The following ACMSD variants were observed in gnomAD, a reference collection of about 807,000 sequenced individuals.
The protein encoded by ACMSD is 2-amino-3-carboxymuconate-6-semialdehyde decarboxylase.
ACMSD carries 37 observed loss-of-function variants against 45.9 expected under a neutral mutation model. The observed-to-expected ratio is 0.81, with a 90% CI of 0.62 to 1.06. The LOEUF is 1.06. Ranked by LOEUF, ACMSD falls within the 50% of genes least tolerant of loss-of-function variation. The pLI is 0.00. For missense variants in ACMSD, 434 were observed against 420.9 expected (o/e 1.03, Z -0.27); for synonymous variants, 138 against 148.8 (o/e 0.93, Z 0.53).
At chr2:134,862,824 G>A (rs558475737) in intron 4 of ACMSD, 9 of 299,474 alleles carry the variant, frequency 3.0e-5, no homozygotes, top group Non-Finnish European at 4.4e-5. Context: ...GGTGACAGAG[G>A]AAAGTAAACA....
chr2:134,863,742 C>A, intron 5 of ACMSD, 111 bp downstream of exon 5: 1 of 1,074,178 alleles, frequency 9.3e-7, no homozygotes, highest in Non-Finnish European at 1.4e-6. Flanking sequence ...GAGGGGAGAG[C>A]GGTGTCCACG....
intron 8 of ACMSD, 73 bp from the exon 9 acceptor site, chr2:134,898,268 A>AGTAAACAATTGTTTACAG: frequency 1.2e-6 from 1 of 845,986 alleles, no homozygotes; most frequent in South Asian, 2.5e-5. Flanking sequence ...GTTTGTAATA[A>AGTAAACAATTGTTTACAG]GTAAACAATT....
intron 8 of ACMSD, among the ~76,000 whole-genome samples, chr2:134,882,224 A>G (rs1011004486): frequency 2.0e-5 from 3 of 152,198 alleles, no homozygotes; most frequent in Non-Finnish European, 4.4e-5. Context: ...GTTACAAGAT[A>G]TTTTCCTGTG....
chr2:134,847,410 A>G (rs1687105692), intron 2 of ACMSD, among the ~76,000 whole-genome samples: 1 of 141,260 alleles, frequency 7.1e-6, no homozygotes, highest in African/African-American at 3.0e-5. Flanking sequence ...ATAGATAGAT[A>G]GATAGATAGA....
In ACMSD at chr2:134,869,880, G is replaced by A. The variant is rs186663221; in HGVS notation, c.581-1085G>A. Among the ~76,000 whole-genome samples the A allele has an allele frequency of 2.6e-3, 397 of 152,296 alleles. 2 individuals are homozygous for A. Among genetic ancestry groups the A allele is most frequent in the African/African-American group, 7.6e-3 (316 of 41,550 alleles). On this transcript the variant is annotated intron_variant, in intron 6 of 9. Coordinates refer to ENST00000356140, the MANE Select transcript of ACMSD (RefSeq NM_138326.3). ...ATGGAGAATGGATTGTGGGGTTATG[G>A]TTCAAGTAATTATGGGAAAGTAGAG...
chr2:134,888,535 G>A (rs1689590436), intron 8 of ACMSD, among the ~76,000 whole-genome samples: 1 of 152,080 alleles, frequency 6.6e-6, no homozygotes, highest in African/African-American at 2.4e-5. Context: ...GTTCTTGGCA[G>A]CTTTATTCCA....
At chr2:134,875,184 A>G (rs12328671) in intron 8 of ACMSD, among the ~76,000 whole-genome samples, 8,796 of 152,150 alleles carry the variant, frequency 0.058, 393 homozygotes, top group African/African-American at 0.13. Flanking sequence ...TATTTTTTGT[A>G]GAGACAGGGT....
chr2:134,861,630 G>A (rs1687853174), intron 3 of ACMSD, among the ~76,000 whole-genome samples: 1 of 152,170 alleles, frequency 6.6e-6, no homozygotes, highest in South Asian at 2.1e-4. Flanking sequence ...CAGGGAAGGT[G>A]GCTGAGAGAC....
Position 134,872,450 on chromosome 2 carries a change from T to C in ACMSD, c.677-19T>C. 3 of 1,614,080 alleles carry C rather than the reference T, an allele frequency of 1.9e-6. No homozygotes were observed. Among genetic ancestry groups the C allele is most frequent in the Non-Finnish European group, 2.5e-6 (3 of 1,179,978 alleles). ...TTTACAATCAACACTAGCCCCTCAG[T>C]AATGGGTTTTACTTGCAGGTGGTGC... On this transcript the variant is annotated intron_variant, in intron 7 of 9. Coordinates refer to ENST00000356140, the MANE Select transcript of ACMSD (RefSeq NM_138326.3).
chr2:134,900,619 A>G (rs1352753532), intron 9 of ACMSD, among the ~76,000 whole-genome samples: 1 of 152,208 alleles, frequency 6.6e-6, no homozygotes, highest in African/African-American at 2.4e-5. Flanking sequence ...TGCATCTTCT[A>G]TCTGTGTAAC....
chr2:134,844,022 C>G (rs936750727), intron 1 of ACMSD, among the ~76,000 whole-genome samples: 2 of 152,210 alleles, frequency 1.3e-5, no homozygotes, highest in Non-Finnish European at 2.9e-5. Context: ...TGGGCTGGAA[C>G]TAACCTTCAC....
intron 8 of ACMSD, among the ~76,000 whole-genome samples, chr2:134,885,236 G>GTAAATATATATTTATATATAATATATATA (rs1559064341): frequency 8.8e-6 from 1 of 114,172 alleles, no homozygotes; most frequent in East Asian, 2.2e-4. Context: ...TAATACATAT[G>GTAAATATATATTTATATATAATATATATA]TAAATATATA....
intron 8 of ACMSD, among the ~76,000 whole-genome samples, chr2:134,896,834 A>G (rs534802218): frequency 4.6e-5 from 7 of 152,280 alleles, no homozygotes; most frequent in African/African-American, 1.4e-4. Context: ...CCTTGAAAAC[A>G]TTAAACTAAA....
intron 8 of ACMSD, chr2:134,877,792 T>A (rs1356310106): frequency 6.6e-6 from 1 of 152,136 alleles, no homozygotes; most frequent in African/African-American, 2.4e-5. Flanking sequence ...AGTCATATAG[T>A]ATTAATTCCA....
chr2:134,890,139 A>G (rs1421555165), intron 8 of ACMSD, among the ~76,000 whole-genome samples: 1 of 152,096 alleles, frequency 6.6e-6, no homozygotes, highest in Non-Finnish European at 1.5e-5. Flanking sequence ...ATGAAGAGAA[A>G]AAAATGGTGA....
At chr2:134,892,473 A>G (rs970258178) in intron 8 of ACMSD, among the ~76,000 whole-genome samples, 1 of 148,916 alleles carries the variant, frequency 6.7e-6, no homozygotes, top group Non-Finnish European at 1.5e-5. Context: ...AAATAAATAA[A>G]TAAATAAATA....
intron 8 of ACMSD, among the ~76,000 whole-genome samples, chr2:134,896,278 C>T (rs79465519): frequency 6.6e-6 from 1 of 152,086 alleles, no homozygotes; most frequent in Non-Finnish European, 1.5e-5. Context: ...AAAGTACAAG[C>T]ATCCAAAGAA....
chr2:134,877,048 C>T (rs1688773916), intron 8 of ACMSD, among the ~76,000 whole-genome samples: 5 of 152,208 alleles, frequency 3.3e-5, no homozygotes, highest in Admixed American at 3.3e-4. Context: ...GCTGTGATTA[C>T]AGGCATGAGC....
Position 134,855,071 on chromosome 2 carries a change from C to T in ACMSD, c.103-4190C>T, listed in dbSNP as rs1214131348. 3.3e-5 allele frequency among the ~76,000 whole-genome samples: 5 copies of T among 152,154 alleles called. No individual in the cohort carries two copies. In the East Asian group the frequency reaches 9.6e-4, roughly 29 times the overall value. On this transcript the variant is annotated intron_variant, in intron 2 of 9. Coordinates refer to ENST00000356140, the MANE Select transcript of ACMSD (RefSeq NM_138326.3). ...TTTTCACCATCACCCCTCTCCTCTC[C>T]CTTCTTCACCAAATGAAAAGACATG...
Sources: allele counts gnomAD v4.1 joint callset (sites outside exome capture counted in the v4.1 genomes callset), GRCh38; gene constraint gnomAD v4.1.1; transcripts MANE v1.5; gene names NCBI Gene and HGNC (gene_info 2026-07-23, HGNC 2026-07-21).